Variants in SORCS3 observed in about 807,000 individuals in gnomAD.
The protein encoded by SORCS3 is VPS10 domain-containing receptor SorCS3.
A neutral mutation model predicts 146.3 loss-of-function variants in SORCS3; 57 were observed. That is an observed-to-expected ratio of 0.39 (90% CI 0.31 to 0.49). The LOEUF is 0.49. SORCS3 is among the 20% of genes least tolerant of loss of function. SORCS3 has a pLI of 0.92. For missense variants in SORCS3, 1,341 were observed against 1,575.5 expected, an observed-to-expected ratio of 0.85 and a Z score of 2.52; for synonymous variants, 653 against 618.5, an observed-to-expected ratio of 1.06 and a Z score of -0.83.
chr10:105,201,362 A>C, intron 16 of SORCS3, 109 bp downstream of exon 16: 1 of 1,306,508 alleles, frequency 7.7e-7, no homozygotes, highest in Non-Finnish European at 1.0e-6. Flanking sequence ...CAGAGATAGG[A>C]GGTGTATCTG....
intron 11 of SORCS3, among the ~76,000 whole-genome samples, chr10:105,162,085 A>C (rs1428692225): frequency 6.6e-6 from 1 of 151,778 alleles, no homozygotes; most frequent in Non-Finnish European, 1.5e-5. Flanking sequence ...ATGGGCAGCA[A>C]CTCCCTCTGG....
chr10:105,107,493 A>C (rs2133754819), intron 7 of SORCS3, among the ~76,000 whole-genome samples: 1 of 152,286 alleles, frequency 6.6e-6, no homozygotes, highest in East Asian at 1.9e-4. Context: ...GTAACTCCGC[A>C]GACAGATACA....
intron 1 of SORCS3, among the ~76,000 whole-genome samples, chr10:104,706,813 A>G (rs1216310176): frequency 1.3e-5 from 2 of 152,232 alleles, no homozygotes; most frequent in African/African-American, 2.4e-5. Flanking sequence ...TAATGTATAC[A>G]TGTACATCTA....
intron 1 of SORCS3, among the ~76,000 whole-genome samples, chr10:104,841,047 G>GGT (rs1260064700): frequency 8.6e-5 from 13 of 151,820 alleles, no homozygotes; most frequent in East Asian, 5.8e-4. Context: ...AGAACTTTGA[G>GGT]GTGTGTGTGT....
At chr10:105,081,274 G>A (rs923495654) in intron 5 of SORCS3, among the ~76,000 whole-genome samples, 2 of 152,062 alleles carry the variant, frequency 1.3e-5, no homozygotes, top group African/African-American at 4.8e-5. Flanking sequence ...TTTTTGCCCT[G>A]GAAATAATAC....
chr10:105,008,247 C>G (rs1357298375), intron 4 of SORCS3, among the ~76,000 whole-genome samples: 1 of 152,124 alleles, frequency 6.6e-6, no homozygotes, highest in African/African-American at 2.4e-5. Context: ...AACAAGACAC[C>G]TTGTCTTTTC....
intron 13 of SORCS3, among the ~76,000 whole-genome samples, chr10:105,175,568 T>A (rs2056394924): frequency 6.6e-6 from 1 of 152,218 alleles, no homozygotes; most frequent in Non-Finnish European, 1.5e-5. Context: ...ACAACTATGA[T>A]TATTTTAGGA....
At chr10:104,936,281 G>T (rs947444725) in intron 3 of SORCS3, among the ~76,000 whole-genome samples, 2 of 152,102 alleles carry the variant, frequency 1.3e-5, no homozygotes, top group Non-Finnish European at 1.5e-5. Context: ...AAAAAAAAAT[G>T]GCTAACATTG....
In SORCS3 at chr10:104,727,791, C is replaced by T. The variant is rs557148948; in HGVS notation, c.627+85837C>T. 1.3e-3 allele frequency among the ~76,000 whole-genome samples: 197 copies of T among 152,160 alleles called. 2 individuals carry two copies. Among genetic ancestry groups the T allele is most frequent in the African/African-American group, 4.6e-3 (190 of 41,508 alleles). ...TAAGCTCTGCCTTCACTCAGATCAG[C>T]AGTGGCATTAGATTATTATAGGAGC... On this transcript the variant is annotated intron_variant, in intron 1 of 26. Transcript: ENST00000369701.
At chr10:105,101,090 G>C (rs1167321477) in intron 6 of SORCS3, among the ~76,000 whole-genome samples, 1 of 152,158 alleles carries the variant, frequency 6.6e-6, no homozygotes, top group East Asian at 1.9e-4. Flanking sequence ...CTGGTATCTG[G>C]CGTTATTAAA....
chr10:104,869,500 T>A (rs1296519394), intron 2 of SORCS3, among the ~76,000 whole-genome samples: 1 of 152,226 alleles, frequency 6.6e-6, no homozygotes, highest in Non-Finnish European at 1.5e-5. Flanking sequence ...CTTCTGGGAA[T>A]TCCCTTACAG....
chr10:104,699,715 T>A (rs2016257815), intron 1 of SORCS3, among the ~76,000 whole-genome samples: 1 of 152,150 alleles, frequency 6.6e-6, no homozygotes, highest in African/African-American at 2.4e-5. Flanking sequence ...TATGGGGTCT[T>A]TAATGTCAGT....
intron 1 of SORCS3, among the ~76,000 whole-genome samples, chr10:104,701,460 A>G (rs1589463960): frequency 6.6e-6 from 1 of 152,318 alleles, no homozygotes; most frequent in South Asian, 2.1e-4. Flanking sequence ...TTTCCTTTCA[A>G]AAGGGTAGCA....
rs1385819338 is a variant in SORCS3 at position 105,214,434 on chromosome 10, C to T, written c.2376-8C>T. 6.2e-7 allele frequency: 1 copy of T among 1,613,956 alleles called. No homozygotes were observed. Among genetic ancestry groups the T allele is most frequent in the East Asian group, 2.2e-5 (1 of 44,866 alleles). On this transcript the variant is annotated splice_polypyrimidine_tract_variant and splice_region_variant and intron_variant, in intron 17 of 26. Transcript: ENST00000369701. ...CACAAACCACTATCAATTGTCAATT[C>T]TACTTAGGTATCGGCGGATTGTGTC...
intron 1 of SORCS3, among the ~76,000 whole-genome samples, chr10:104,810,064 T>C (rs2017723883): frequency 6.6e-6 from 1 of 152,226 alleles, no homozygotes; most frequent in African/African-American, 2.4e-5. Flanking sequence ...TGTTCTTGTT[T>C]AAGCAGAGCC....
chr10:105,173,236 C>T (rs1205687254), intron 13 of SORCS3, among the ~76,000 whole-genome samples: 2 of 152,006 alleles, frequency 1.3e-5, no homozygotes, highest in African/African-American at 4.8e-5. Context: ...CGCTTGAACC[C>T]AGGAGGCAGA....
At chr10:104,696,153 T>TATATACACATAATATATAATATATATC (rs2016182024) in intron 1 of SORCS3, among the ~76,000 whole-genome samples, 2 of 89,106 alleles carry the variant, frequency 2.2e-5, no homozygotes, top group African/African-American at 9.1e-5. Context: ...ATATATAATA[T>TATATACACATAATATATAATATATATC]ATATACACAT....
At chr10:104,773,625 G>A (rs1453575737) in intron 1 of SORCS3, among the ~76,000 whole-genome samples, 1 of 152,208 alleles carries the variant, frequency 6.6e-6, no homozygotes, top group African/African-American at 2.4e-5. Context: ...CTCAGAATAG[G>A]GAGGCAGACA....
In SORCS3 at chr10:105,211,081, G is replaced by A. The variant is rs556410109; in HGVS notation, c.2262-56G>A. The A allele has an allele frequency of 3.7e-5, 45 of 1,208,732 alleles. No homozygotes were observed. The African/African-American group carries it at 3.8e-4, about 10-fold the overall frequency. 74.9% of individuals were successfully genotyped at this position (1,208,732 alleles called of 1,614,324 possible). ...CATGTATATGTTTGTGTGTGCCTGC[G>A]GTTATTTTAGCGTTTGTACATATAT... On this transcript the variant is annotated intron_variant, in intron 16 of 26. Coordinates refer to ENST00000369701, the MANE Select transcript of SORCS3 (RefSeq NM_014978.3).
Sources: gnomAD v4.1 joint callset for allele counts (sites outside exome capture counted in the v4.1 genomes callset) on GRCh38, gnomAD v4.1.1 for gene constraint, MANE v1.5 for transcripts, NCBI Gene and HGNC (gene_info 2026-07-23, HGNC 2026-07-21) for gene names.